EEIG1: variants seen among roughly 807,000 people sequenced by gnomAD.
EEIG1 encodes early estrogen-induced gene 1 protein.
At chr9:127,955,724 GTCCCGTT>G in the EEIG1 span, among the ~76,000 whole-genome samples, 1 of 152,234 alleles carries the variant, frequency 6.6e-6, no homozygotes, top group Non-Finnish European at 1.5e-5. Flanking sequence ...GAATGAGGGA[GTCCCGTT>G]TCCTTAGCCA....
the EEIG1 span, chr9:127,945,422 G>A: frequency 1.6e-4 from 257 of 1,573,306 alleles, 3 homozygotes; most frequent in South Asian, 2.9e-3. This position sits in a 1 kb window ranked among gnomAD's most constrained non-coding sequence, Gnocchi z 6.5. Flanking sequence ...GGCTTCTCCG[G>A]GGGCCGGTGC....
chr9:127,957,619 T>C, the EEIG1 span, among the ~76,000 whole-genome samples: 2 of 152,232 alleles, frequency 1.3e-5, no homozygotes. Flanking sequence ...AAACTTTACA[T>C]GGAAATCCAA....
chr9:127,969,924 G>A, the EEIG1 span, among the ~76,000 whole-genome samples: 2 of 152,056 alleles, frequency 1.3e-5, no homozygotes, highest in Non-Finnish European at 2.9e-5. Flanking sequence ...GGCATCTCGA[G>A]TCTTGTTTCT....
At chr9:127,965,560 C>T in the EEIG1 span, among the ~76,000 whole-genome samples, 16 of 152,298 alleles carry the variant, frequency 1.1e-4, no homozygotes, top group East Asian at 2.9e-3. Flanking sequence ...AGTCCCTTGC[C>T]TGCCATCCGT....
the EEIG1 span, chr9:127,942,926 G>A: frequency 1.9e-6 from 1 of 513,114 alleles, no homozygotes; most frequent in Non-Finnish European, 3.5e-6. Context: ...AGCTGCACGG[G>A]CCCGCCTGGC....
chr9:127,951,828 A>AG, the EEIG1 span, among the ~76,000 whole-genome samples: 5 of 150,288 alleles, frequency 3.3e-5, no homozygotes, highest in South Asian at 2.1e-4. Context: ...AAAAAAAAAA[A>AG]AAAGAAAAGA....
the EEIG1 span, among the ~76,000 whole-genome samples, chr9:127,975,909 C>T: frequency 8.5e-5 from 13 of 152,160 alleles, no homozygotes; most frequent in Admixed American, 1.3e-4. Context: ...GAAAGCCTCC[C>T]AGGCCCCCCT....
chr9:127,947,506 C>T, the EEIG1 span, among the ~76,000 whole-genome samples: 1 of 152,188 alleles, frequency 6.6e-6, no homozygotes, highest in Non-Finnish European at 1.5e-5. Context: ...CACATGTGGA[C>T]AGTTAATCCC....
the EEIG1 span, among the ~76,000 whole-genome samples, chr9:127,965,869 C>T: frequency 6.6e-6 from 1 of 152,246 alleles, no homozygotes; most frequent in Admixed American, 6.5e-5. Flanking sequence ...CTGGCTCCTG[C>T]CAGGGGTTCA....
the EEIG1 span, chr9:127,944,431 G>C: frequency 1.6e-6 from 1 of 610,912 alleles, no homozygotes; most frequent in South Asian, 1.9e-5. Context: ...AGGCTCCCAG[G>C]TGAGGTGGTG....
chr9:127,959,415 A>C, the EEIG1 span, among the ~76,000 whole-genome samples: 6 of 152,242 alleles, frequency 3.9e-5, no homozygotes, highest in African/African-American at 1.4e-4. Context: ...TGATTATCTC[A>C]TTTATATGAA....
the EEIG1 span, among the ~76,000 whole-genome samples, chr9:127,978,551 C>T: frequency 3.0e-4 from 43 of 144,290 alleles, 1 homozygote; most frequent in African/African-American, 1.1e-3. Flanking sequence ...AGAGAGAGGC[C>T]GGGTGCAGTG....
At chr9:127,944,632 G>A in the EEIG1 span, 6 of 1,610,458 alleles carry the variant, frequency 3.7e-6, no homozygotes, top group East Asian at 1.3e-4. Flanking sequence ...CAAGCTGGAT[G>A]CCGCTCAGCG....
the EEIG1 span, among the ~76,000 whole-genome samples, chr9:127,966,744 T>C: frequency 6.6e-6 from 1 of 152,252 alleles, no homozygotes; most frequent in African/African-American, 2.4e-5. Flanking sequence ...TGGCCCAGCC[T>C]GGCTGTTTCC....
the EEIG1 span, among the ~76,000 whole-genome samples, chr9:127,954,303 A>T: frequency 6.6e-6 from 1 of 152,170 alleles, no homozygotes; most frequent in African/African-American, 2.4e-5. Context: ...GGCTCTGCCA[A>T]CCGCCTCATG....
the EEIG1 span, among the ~76,000 whole-genome samples, chr9:127,980,956 A>T: frequency 6.7e-6 from 1 of 149,188 alleles, no homozygotes; most frequent in East Asian, 1.9e-4. Flanking sequence ...CGCTGCAGCC[A>T]GAGCCCGATG....
chr9:127,975,249 C>G, the EEIG1 span, among the ~76,000 whole-genome samples: 1 of 152,208 alleles, frequency 6.6e-6, no homozygotes, highest in Non-Finnish European at 1.5e-5. Context: ...AAAAGAACCC[C>G]ACCTGTGCCT....
chr9:127,979,647 A>C, the EEIG1 span, among the ~76,000 whole-genome samples: 1 of 152,218 alleles, frequency 6.6e-6, no homozygotes, highest in Non-Finnish European at 1.5e-5. Flanking sequence ...CCCAGTGGCC[A>C]GTTCGGGTGC....
the EEIG1 span, among the ~76,000 whole-genome samples, chr9:127,950,971 G>T: frequency 2.0e-5 from 3 of 152,228 alleles, no homozygotes; most frequent in African/African-American, 7.2e-5. Flanking sequence ...ACAGGGGTTG[G>T]GAGGGGAGGG....
Sources: allele counts gnomAD v4.1 joint callset (sites outside exome capture counted in the v4.1 genomes callset), GRCh38; gene constraint gnomAD v4.1.1; non-coding constraint Gnocchi (gnomAD v3.1); transcripts MANE v1.5; gene names NCBI Gene and HGNC (gene_info 2026-07-23, HGNC 2026-07-21).